The following FARS2 variants were observed in gnomAD, a reference collection of about 807,000 sequenced individuals.
FARS2 encodes phenylalanine--tRNA ligase, mitochondrial.
A neutral mutation model predicts 46.4 loss-of-function variants in FARS2; 40 were observed. That is an observed-to-expected ratio of 0.86 (90% confidence interval 0.67 to 1.12). FARS2 has a LOEUF of 1.12. Among genes scored for constraint, FARS2 ranks in the 50% most tolerant of loss-of-function variants. The pLI is 0.00. For synonymous variants in FARS2, 234 were observed against 214.9 expected, an observed-to-expected ratio of 1.09 and a Z score of -0.78; for missense variants, 513 against 567.9, an observed-to-expected ratio of 0.90 and a Z score of 0.98.
intron 6 of FARS2, among the ~76,000 whole-genome samples, chr6:5,626,542 T>G (rs903747608): frequency 4.6e-5 from 7 of 152,240 alleles, no homozygotes; most frequent in Admixed American, 4.6e-4. Context: ...CTTAAGCAAC[T>G]CAGCTTTGAG....
At chr6:5,429,626 C>T (rs1275075169) in intron 3 of FARS2, among the ~76,000 whole-genome samples, 3 of 151,966 alleles carry the variant, frequency 2.0e-5, no homozygotes, top group Non-Finnish European at 2.9e-5. Flanking sequence ...GTCAACACAG[C>T]GAGACCTCAT....
At chr6:5,272,683 T>G (rs749560300) in intron 1 of FARS2, among the ~76,000 whole-genome samples, 1 of 152,214 alleles carries the variant, frequency 6.6e-6, no homozygotes, top group Non-Finnish European at 1.5e-5. Context: ...TGTTTTCTTC[T>G]AGCTATTTTG....
intron 1 of FARS2, among the ~76,000 whole-genome samples, chr6:5,270,508 A>G (rs576739412): frequency 1.6e-4 from 25 of 152,374 alleles, no homozygotes; most frequent in African/African-American, 2.6e-4. Flanking sequence ...TTAACTTTGT[A>G]GAAGAGATTC....
Position 5,466,542 on chromosome 6 carries a change from T to G in FARS2, c.904+35370T>G, listed in dbSNP as rs571261552. ...TGTATACCTCATTGGAAGTTTTGTT[T>G]GTTTGTTATTCCCTAGGCTTGTTTC... is the stretch of plus-strand genomic sequence containing the variant. On this transcript the variant is annotated intron_variant, in intron 4 of 6. Coordinates refer to ENST00000274680, the MANE Select transcript of FARS2 (RefSeq NM_006567.5). 231 of 985,334 alleles carry G rather than the reference T, an allele frequency of 2.3e-4. 1 individual carries two copies. In the African/African-American group the frequency reaches 3.1e-3, roughly 13 times the overall value. The allele number at this position is 985,334 out of a possible 1,614,324, so 61.0% of individuals were successfully genotyped here.
chr6:5,582,248 C>G (rs1455041027), intron 5 of FARS2, among the ~76,000 whole-genome samples: 1 of 139,062 alleles, frequency 7.2e-6, no homozygotes, highest in Non-Finnish European at 1.6e-5. Flanking sequence ...TCCTGATGCG[C>G]TTCTATAAAT....
At chr6:5,466,444 G>C (rs1765519175) in intron 4 of FARS2, 2 of 826,486 alleles carry the variant, frequency 2.4e-6, no homozygotes, top group African/African-American at 1.8e-5. Flanking sequence ...CCATGTCTTA[G>C]TCAGCTCTAT....
intron 6 of FARS2, among the ~76,000 whole-genome samples, chr6:5,736,613 C>T (rs1331983913): frequency 6.6e-6 from 1 of 152,094 alleles, no homozygotes; most frequent in East Asian, 1.9e-4. Flanking sequence ...AAAAGCTCAA[C>T]TGATAGTAGT....
intron 6 of FARS2, among the ~76,000 whole-genome samples, chr6:5,691,677 CCAGCTG>C: frequency 6.6e-6 from 1 of 152,222 alleles, no homozygotes; most frequent in East Asian, 1.9e-4. Context: ...TCTCAGATCT[CCAGCTG>C]CGTGCTGGGA....
intron 5 of FARS2, among the ~76,000 whole-genome samples, chr6:5,548,155 A>C (rs144456550): frequency 2.6e-5 from 4 of 152,196 alleles, no homozygotes; most frequent in Admixed American, 6.5e-5. Flanking sequence ...AGAATAGCAC[A>C]GGAAAGACCG....
chr6:5,625,934 C>G (rs73360260), intron 6 of FARS2, among the ~76,000 whole-genome samples: 1 of 152,222 alleles, frequency 6.6e-6, no homozygotes, highest in East Asian at 1.9e-4. Context: ...ATCCAGGCAT[C>G]CAGCAGGTCT....
At chr6:5,260,593 C>G (rs1393355450), upstream of FARS2, 1 of 1,199,134 alleles carries the variant, frequency 8.3e-7, no homozygotes, top group African/African-American at 1.6e-5. Context: ...AGCCCGCACC[C>G]CCGGTCCCCG....
intron 4 of FARS2, among the ~76,000 whole-genome samples, chr6:5,478,053 TA>T (rs1766227304): frequency 6.9e-6 from 1 of 145,902 alleles, no homozygotes; most frequent in Admixed American, 7.0e-5. Flanking sequence ...AACAAACCAG[TA>T]ACAATGACCC....
chr6:5,553,590 T>C (rs1444248839), intron 5 of FARS2, among the ~76,000 whole-genome samples: 1 of 152,096 alleles, frequency 6.6e-6, no homozygotes, highest in South Asian at 2.1e-4. Flanking sequence ...AGCCGAAGGA[T>C]TTAAATTTTT....
chr6:5,610,924 A>C (rs1775145540), intron 5 of FARS2, among the ~76,000 whole-genome samples: 1 of 152,328 alleles, frequency 6.6e-6, no homozygotes, highest in South Asian at 2.1e-4. Context: ...CCACTAGCTC[A>C]CGCAGTTAGA....
intron 6 of FARS2, among the ~76,000 whole-genome samples, chr6:5,619,764 A>G (rs185585879): frequency 4.6e-5 from 7 of 151,874 alleles, no homozygotes; most frequent in African/African-American, 1.7e-4. Flanking sequence ...GACCTGGTCA[A>G]AGCTCTTCCT....
At chr6:5,518,905 G>A (rs1265677926) in intron 4 of FARS2, among the ~76,000 whole-genome samples, 2 of 152,154 alleles carry the variant, frequency 1.3e-5, no homozygotes, top group Non-Finnish European at 2.9e-5. Flanking sequence ...AGTGGTTACA[G>A]TAGCAGCACT....
chr6:5,577,560 T>C (rs777514337), intron 5 of FARS2, among the ~76,000 whole-genome samples: 1 of 152,180 alleles, frequency 6.6e-6, no homozygotes, highest in Non-Finnish European at 1.5e-5. Flanking sequence ...GAATATCTTG[T>C]TGAACTTGAT....
chr6:5,429,091 G>A (rs186600967), intron 3 of FARS2, among the ~76,000 whole-genome samples: 1 of 152,190 alleles, frequency 6.6e-6, no homozygotes. Flanking sequence ...GGAGAAGAGT[G>A]GGGCAGTGGG....
At chr6:5,283,111 A>C (rs947306585) in intron 1 of FARS2, among the ~76,000 whole-genome samples, 1 of 152,166 alleles carries the variant, frequency 6.6e-6, no homozygotes, top group East Asian at 1.9e-4. Flanking sequence ...GGTGGCCCAC[A>C]CCTGTAATCC....
Sources: gnomAD v4.1 joint callset for allele counts (sites outside exome capture counted in the v4.1 genomes callset) on GRCh38, gnomAD v4.1.1 for gene constraint, MANE v1.5 for transcripts, NCBI Gene and HGNC (gene_info 2026-07-23, HGNC 2026-07-21) for gene names.